The following CYRIB variants were observed in gnomAD, a reference collection of about 807,000 sequenced individuals.
CYRIB encodes the protein CYFIP related Rac1 interactor B.
Under a neutral mutation model 44.2 loss-of-function variants are expected in CYRIB, and 8 were observed. The ratio of observed to expected loss-of-function variants is 0.18; its 90% CI spans 0.11 to 0.33. The LOEUF is 0.33. Ranked by LOEUF, CYRIB falls within the 10% of genes least tolerant of loss-of-function variation. The pLI is 1.00. For missense variants in CYRIB, 185 were observed against 382.8 expected, an observed-to-expected ratio of 0.48 and a Z score of 4.31; for synonymous variants, 131 against 127.2, an observed-to-expected ratio of 1.03 and a Z score of -0.20.
chr8:129,847,096 A>G (rs2131229701), intron 10 of CYRIB: 2 of 419,364 alleles, frequency 4.8e-6, no homozygotes, highest in African/African-American at 2.1e-5. Flanking sequence ...TCAAACTAAT[A>G]TACCACACAT....
At chr8:129,968,198 T>C (rs1332875731) in intron 2 of CYRIB, among the ~76,000 whole-genome samples, 1 of 152,264 alleles carries the variant, frequency 6.6e-6, no homozygotes, top group Non-Finnish European at 1.5e-5. Flanking sequence ...TGGCATGTAC[T>C]ATGCACTTAA....
chr8:129,921,466 C>G (rs1316933718), intron 1 of CYRIB, among the ~76,000 whole-genome samples: 2 of 152,154 alleles, frequency 1.3e-5, no homozygotes, highest in African/African-American at 2.4e-5. Context: ...ATCACCAAAC[C>G]GAGACCTTTT....
intron 1 of CYRIB, among the ~76,000 whole-genome samples, chr8:129,980,227 CA>C (rs58630436): frequency 0.062 from 5,681 of 91,630 alleles, 66 homozygotes; most frequent in Middle Eastern, 0.095. Context: ...GACTCCATCT[CA>C]AAAAAAAAAA....
intron 1 of CYRIB, among the ~76,000 whole-genome samples, chr8:129,998,138 A>AT (rs1564729825): frequency 7.1e-6 from 1 of 140,904 alleles, no homozygotes; most frequent in Non-Finnish European, 1.5e-5. Flanking sequence ...AAAAAAAAAA[A>AT]CAAAAAAAAC....
intron 2 of CYRIB, among the ~76,000 whole-genome samples, chr8:129,888,661 G>A (rs2063764558): frequency 6.6e-6 from 1 of 152,084 alleles, no homozygotes; most frequent in African/African-American, 2.4e-5. Flanking sequence ...ACACATTCCT[G>A]TTACTCTTAT....
intron 4 of CYRIB, among the ~76,000 whole-genome samples, chr8:129,869,329 C>T (rs980234885): frequency 3.6e-5 from 5 of 140,744 alleles, no homozygotes; most frequent in Non-Finnish European, 6.0e-5. Flanking sequence ...GTTGCTGAGC[C>T]GAGATTGTGC....
chr8:129,971,954 C>T (rs1367443102), intron 1 of CYRIB, among the ~76,000 whole-genome samples: 1 of 152,180 alleles, frequency 6.6e-6, no homozygotes, highest in Non-Finnish European at 1.5e-5. Context: ...AGTGTCTAGA[C>T]ACTCTTATTA....
chr8:129,872,720 GAAGT>G (rs1369904714), intron 3 of CYRIB, among the ~76,000 whole-genome samples: 2 of 152,004 alleles, frequency 1.3e-5, no homozygotes, highest in Admixed American at 1.3e-4. Context: ...TTTATAAGAT[GAAGT>G]AAGAACGTTT....
At chr8:129,925,395 AAAT>A (rs561087742) in intron 1 of CYRIB, among the ~76,000 whole-genome samples, 1 of 151,370 alleles carries the variant, frequency 6.6e-6, no homozygotes, top group African/African-American at 2.4e-5. Flanking sequence ...CCGTCTTAAA[AAAT>A]AATAATAATA....
chr8:129,925,440 T>C (rs1272706827), intron 1 of CYRIB, among the ~76,000 whole-genome samples: 1 of 152,160 alleles, frequency 6.6e-6, no homozygotes, highest in African/African-American at 2.4e-5. Context: ...GCTGATTCTG[T>C]TCAGGAATGC....
intron 2 of CYRIB, among the ~76,000 whole-genome samples, chr8:129,967,226 C>T (rs2095509296): frequency 6.6e-6 from 1 of 152,090 alleles, no homozygotes; most frequent in Non-Finnish European, 1.5e-5. Flanking sequence ...TTCCAAACTC[C>T]GTGTTCAGTG....
At chr8:129,939,305 G>A (rs1335449066) in intron 1 of CYRIB, among the ~76,000 whole-genome samples, 1 of 151,402 alleles carries the variant, frequency 6.6e-6, no homozygotes, top group Non-Finnish European at 1.5e-5. Flanking sequence ...ACTGGCGGGC[G>A]CAGGATCTGG....
At chr8:129,881,074 TTAAAAG>T (rs1199345942) in intron 2 of CYRIB, among the ~76,000 whole-genome samples, 1 of 152,132 alleles carries the variant, frequency 6.6e-6, no homozygotes, top group African/African-American at 2.4e-5. Flanking sequence ...TGTATGGAAC[TTAAAAG>T]TTAACACAGC....
At chr8:129,927,074 G>A (rs146164733) in intron 1 of CYRIB, among the ~76,000 whole-genome samples, 2,125 of 152,192 alleles carry the variant, frequency 0.014, 47 homozygotes, top group African/African-American at 0.048. Context: ...CTTGAGATCA[G>A]GAGTTTGAGA....
At chr8:129,895,795 T>A (rs1034495303) in intron 2 of CYRIB, among the ~76,000 whole-genome samples, 1 of 152,214 alleles carries the variant, frequency 6.6e-6, no homozygotes, top group Admixed American at 6.5e-5. Context: ...CTTGAACTCC[T>A]AGGCTCAAGG....
At chr8:130,000,137 C>T (rs565206740) in intron 1 of CYRIB, among the ~76,000 whole-genome samples, 1 of 152,168 alleles carries the variant, frequency 6.6e-6, no homozygotes, top group Non-Finnish European at 1.5e-5. Flanking sequence ...TTCTTCACTC[C>T]TTCAGCCACA....
At chr8:129,916,688 A>G (rs2080947002) in intron 1 of CYRIB, among the ~76,000 whole-genome samples, 1 of 152,230 alleles carries the variant, frequency 6.6e-6, no homozygotes, top group Non-Finnish European at 1.5e-5. Flanking sequence ...TCCAGCCCAC[A>G]TCAATCCCTA....
chr8:129,987,383 T>C (rs917601355), intron 1 of CYRIB, among the ~76,000 whole-genome samples: 8 of 152,052 alleles, frequency 5.3e-5, no homozygotes, highest in Non-Finnish European at 1.0e-4. Context: ...AGGTCCCACT[T>C]CCTACCCTGG....
At chr8:129,883,457 A>G (rs1461102145) in intron 2 of CYRIB, among the ~76,000 whole-genome samples, 1 of 152,152 alleles carries the variant, frequency 6.6e-6, no homozygotes, top group Admixed American at 6.5e-5. Context: ...TCATATCACA[A>G]TGTCTCTTTG....
Sources: allele counts gnomAD v4.1 joint callset (sites outside exome capture counted in the v4.1 genomes callset), GRCh38; gene constraint gnomAD v4.1.1; transcripts MANE v1.5; gene names NCBI Gene and HGNC (gene_info 2026-07-23, HGNC 2026-07-21).